MUC5AC: variants seen among roughly 807,000 people sequenced by gnomAD.
The protein encoded by MUC5AC is mucin 5AC, oligomeric mucus/gel-forming, also known as mucin-5AC.
Under a neutral mutation model 169.7 loss-of-function variants are expected in MUC5AC, and 158 were observed. The observed-to-expected ratio is 0.93, with a 90% CI of 0.82 to 1.06. The LOEUF is 1.06. Ranked by LOEUF, MUC5AC falls within the 50% of genes least tolerant of loss-of-function variation. The probability of loss-of-function intolerance (pLI) is 0.00; values close to 1 mark genes in which losing one functional copy is unlikely to be tolerated. For missense variants in MUC5AC, 4,359 were observed against 3,089.9 expected (o/e 1.41, Z -9.74); for synonymous variants, 1,975 against 1,237.0 (o/e 1.60, Z -12.52).
intron 1 of MUC5AC, among the ~76,000 whole-genome samples, chr11:1,159,853 C>T (rs868269264): frequency 0.013 from 355 of 27,406 alleles, 1 homozygote; most frequent in East Asian, 0.024. Context: ...TGGTTCTGTG[C>T]GGGGCTGTGT....
chr11:1,165,372 G>C lies in MUC5AC; in HGVS notation c.1200G>C (p.Gly400=). The C allele has an allele frequency of 6.2e-7, 1 of 1,612,476 alleles. No homozygotes were observed. The highest frequency in any genetic ancestry group is 8.5e-7 in the Non-Finnish European group (1 of 1,179,732). ...CAAAGTGTGCCTGCGTCTACAACGG[G>C]GCTGCCTATGCCCCAGGGGCCACCT... The part of the protein sequence containing the change: ...PVSKCACVYN[G]AAYAPGATYS... The change falls in exon 10 of 49, where the codon GGG becomes GGC. Residue 400 remains glycine (G), a synonymous_variant. Coordinates refer to ENST00000621226, the MANE Select transcript of MUC5AC (RefSeq NM_001304359.2).
chr11:1,198,340 A>T, intron 43 of MUC5AC, 35 bp downstream of exon 43: 1 of 730,690 alleles, frequency 1.4e-6, no homozygotes, highest in Non-Finnish European at 2.5e-6. Flanking sequence ...CCTCAGCCAT[A>T]GGGACGGAGC....
At chr11:1,175,888 C>CTT (rs1860670537) in intron 19 of MUC5AC, among the ~76,000 whole-genome samples, 1 of 126,362 alleles carries the variant, frequency 7.9e-6, no homozygotes, top group Non-Finnish European at 1.6e-5. Context: ...CATGCACATG[C>CTT]ACACACACCC....
At position 1,198,934 on chromosome 11, in the gene MUC5AC, C is replaced by T; in HGVS notation, c.16234C>T (p.Pro5412Ser). 1.3e-6 allele frequency: 1 copy of T among 762,432 alleles called. No individual in the cohort carries two copies. Among genetic ancestry groups the T allele is most frequent in the Non-Finnish European group, 2.4e-6 (1 of 416,884 alleles). The allele number at this position is 762,432 out of a possible 1,614,324, so 47.2% of individuals were successfully genotyped here. A position where few individuals can be genotyped will look rare whatever the true frequency, so the allele number is the denominator to read the frequency against. Reference protein sequence around the residue: ...ETCRCELPGGPPSDAFVVSCE... With the variant: ...ETCRCELPGGSPSDAFVVSCE... ...CTGCAGGTGTGAGCTGCCGGGTGGC[C>T]CCCCATCGGACGCGTTTGTGGTCAG... The change falls in exon 44 of 49, where the codon CCC (proline) becomes TCC (serine). Residue 5412 changes from proline to serine, a missense_variant. Coordinates refer to ENST00000621226, the MANE Select transcript of MUC5AC (RefSeq NM_001304359.2).
intron 19 of MUC5AC, among the ~76,000 whole-genome samples, chr11:1,175,817 C>CGCAGT (rs1158053125): frequency 3.2e-5 from 1 of 30,862 alleles, no homozygotes; most frequent in Non-Finnish European, 5.5e-5. Flanking sequence ...CTCATGCACA[C>CGCAGT]CACACCCACT....
intron 28 of MUC5AC, among the ~76,000 whole-genome samples, chr11:1,180,906 C>T (rs1229309714): frequency 6.6e-6 from 1 of 152,166 alleles, no homozygotes; most frequent in African/African-American, 2.4e-5. Context: ...CTCCCCTGAC[C>T]CCCGACTGGA....
chr11:1,190,665 A>G lies in MUC5AC; in HGVS notation c.12520A>G (p.Thr4174Ala). Reference sequence around the variant, plus strand: ...AACAACCAGCACAAACTCTGCTCCTACAACCAGCACAATCTCTGCCTCTAC... The same window carrying G: ...AACAACCAGCACAAACTCTGCTCCTGCAACCAGCACAATCTCTGCCTCTAC... ...APTTSTNSAP[T>A]TSTISASTTS... is the part of the protein sequence containing the mutation. The change falls in exon 31 of 49, where the codon ACA (threonine) becomes GCA (alanine). Residue 4174 changes from threonine (T) to alanine (A), a missense_variant. Thr to Ala is a moderately conservative substitution (Grantham distance 58). Coordinates refer to ENST00000621226, the MANE Select transcript of MUC5AC (RefSeq NM_001304359.2). 1.4e-6 allele frequency: 1 copy of G among 693,732 alleles called. No individual in the cohort carries two copies. Among genetic ancestry groups the G allele is most frequent in the East Asian group, 2.7e-5 (1 of 37,190 alleles). The allele number at this position is 693,732 out of a possible 1,614,324, so 43.0% of individuals were successfully genotyped here. A position where few individuals can be genotyped will look rare whatever the true frequency, so the allele number is the denominator to read the frequency against.
At chr11:1,176,328 G>A in intron 20 of MUC5AC, 77 bp downstream of exon 20, 2 of 398,750 alleles carry the variant, frequency 5.0e-6, no homozygotes, top group Non-Finnish European at 8.8e-6. Flanking sequence ...CCCAGGGTGG[G>A]CAGTGGTGAG....
intron 28 of MUC5AC, among the ~76,000 whole-genome samples, chr11:1,180,761 C>T (rs941298787): frequency 1.8e-3 from 267 of 151,990 alleles, no homozygotes; most frequent in African/African-American, 6.2e-3. Context: ...ACCAGCACAA[C>T]CTCTGGGGAG....
In MUC5AC at chr11:1,162,446, G is replaced by A. The variant is rs56375165; in HGVS notation, c.474-86G>A. 1.5e-4 allele frequency: 188 copies of A among 1,248,400 alleles called. 1 individual carries two copies. Among genetic ancestry groups the A allele is most frequent in the Non-Finnish European group, 2.1e-4 (182 of 870,504 alleles). 77.3% of individuals were successfully genotyped at this position (1,248,400 alleles called of 1,614,324 possible). A position where few individuals can be genotyped will look rare whatever the true frequency, so the allele number is the denominator to read the frequency against. On this transcript the variant is annotated intron_variant, in intron 4 of 48. Coordinates refer to ENST00000621226, the MANE Select transcript of MUC5AC (RefSeq NM_001304359.2). ...GCGACTTCACGGTCACGATGACCGTGTCACATTTGCGACCGCAGGCATCTG... is the reference window on the plus strand; with the variant it reads ...GCGACTTCACGGTCACGATGACCGTATCACATTTGCGACCGCAGGCATCTG...
chr11:1,159,666 T>A (rs374368903), intron 1 of MUC5AC, among the ~76,000 whole-genome samples: 1 of 121,514 alleles, frequency 8.2e-6, no homozygotes, highest in East Asian at 2.7e-4. Flanking sequence ...GGGGCTGGCG[T>A]CTGGCCCCAC....
rs1362485076 is a variant in MUC5AC at position 1,164,433 on chromosome 11, T to C, written c.1030T>C (p.Tyr344His). ...CCAGAAGTGCCCCAACAACATGCAGTACCACGAGTGCCGCTCCCCCTGCGC... is the reference window on the plus strand; with the variant it reads ...CCAGAAGTGCCCCAACAACATGCAGCACCACGAGTGCCGCTCCCCCTGCGC... ...CPQKCPNNMQ[Y>H]HECRSPCADT... The change falls in exon 9 of 49, where the codon TAC becomes CAC. Residue 344 changes from tyrosine (Y) to histidine (H), a missense_variant. Transcript: ENST00000621226. The C allele has an allele frequency of 6.2e-7, 1 of 1,612,302 alleles. No individual in the cohort carries two copies. Among genetic ancestry groups the C allele is most frequent in the Non-Finnish European group, 8.5e-7 (1 of 1,179,732 alleles).
At chr11:1,169,241 A>C in intron 15 of MUC5AC, 1 of 878,058 alleles carries the variant, frequency 1.1e-6, no homozygotes, top group South Asian at 5.2e-5. Context: ...GGTCAAAGAA[A>C]GGGTACAAGT....
chr11:1,158,937 C>T (rs1466243572), intron 1 of MUC5AC, among the ~76,000 whole-genome samples: 1 of 152,190 alleles, frequency 6.6e-6, no homozygotes, highest in Non-Finnish European at 1.5e-5. Context: ...GTGGCCTAGT[C>T]GGACTCTGCC....
Position 1,168,847 on chromosome 11 carries a change from C to T in MUC5AC, c.1706-15C>T. On this transcript the variant is annotated splice_polypyrimidine_tract_variant and intron_variant, in intron 14 of 48. Transcript: ENST00000621226. ...CCAGGGCGCATGGTCCTCAACCTGC[C>T]TAACCCGCCCCCAGGTCTCTGTGGG... The T allele has an allele frequency of 6.3e-7, 1 of 1,582,418 alleles. No homozygotes were observed.
At chr11:1,196,773 G>T (rs1160271760) in intron 39 of MUC5AC, 53 bp downstream of exon 39, 4 of 730,288 alleles carry the variant, frequency 5.5e-6, no homozygotes, top group Admixed American at 3.8e-5. Flanking sequence ...GCCTGTGACT[G>T]TTGGCCAGGT....
rs944671749 is a variant in MUC5AC at position 1,179,191 on chromosome 11, G to A, written c.3427G>A (p.Ala1143Thr). 23 of 680,388 alleles carry A rather than the reference G, an allele frequency of 3.4e-5. No homozygotes were observed. Among genetic ancestry groups the A allele is most frequent in the Non-Finnish European group, 3.7e-5 (14 of 373,528 alleles). 42.1% of individuals were successfully genotyped at this position (680,388 alleles called of 1,614,324 possible). ...ECFCTAVAAY[A>T]QACHEVGLCV... ...CTTCTGCACGGCTGTGGCCGCCTAC[G>A]CCCAGGCCTGCCATGAAGTAGGCCT... Residue 1143 changes from alanine (A) to threonine (T), a missense_variant, in exon 26 of 49, where the codon GCC becomes ACC. Physicochemically the swap from Ala to Thr is moderately conservative, Grantham distance 58. Transcript: ENST00000621226.
In MUC5AC at chr11:1,191,746, C is replaced by T. The variant is rs752414923; in HGVS notation, c.13601C>T (p.Thr4534Ile). ...APTTSTTSAS[T>I]ASTTSGPGTS... ...ACAACCAGCACAACCTCTGCCTCTA[C>T]AGCCAGCACAACCTCTGGTCCTGGA... The change falls in exon 31 of 49, where the codon ACA becomes ATA. Residue 4534 changes from threonine (T) to isoleucine (I), a missense_variant. Physicochemically the swap from Thr to Ile is moderately conservative, Grantham distance 89 (BLOSUM62 -1). Transcript: ENST00000621226. 3 of 742,410 alleles carry T rather than the reference C, an allele frequency of 4.0e-6. No individual in the cohort carries two copies. The highest frequency in any genetic ancestry group is 7.4e-6 in the Non-Finnish European group (3 of 407,120). The allele number at this position is 742,410 out of a possible 1,614,324, so 46.0% of individuals were successfully genotyped here. A position where few individuals can be genotyped will look rare whatever the true frequency, so the allele number is the denominator to read the frequency against.
Position 1,192,320 on chromosome 11 carries a change from C to T in MUC5AC, c.14175C>T (p.Cys4725=), listed in dbSNP as rs545635932. ...ACTACGAGGTGCGCGTGCTCTGCTG[C>T]GAGACCCCCAGAGGCTGCCCGGTGA... is the stretch of plus-strand genomic sequence containing the variant. ...CLNYEVRVLC[C]ETPRGCPVTS... Residue 4725 remains cysteine (C), a synonymous_variant, in exon 31 of 49, where the codon TGC becomes TGT. Transcript: ENST00000621226. 70 of 765,092 alleles carry T rather than the reference C, an allele frequency of 9.1e-5. No homozygotes were observed. Among genetic ancestry groups the T allele is most frequent in the Admixed American group, 3.2e-4 (19 of 59,032 alleles). 47.4% of individuals were successfully genotyped at this position (765,092 alleles called of 1,614,324 possible).
Sources: gnomAD v4.1 joint callset for allele counts (sites outside exome capture counted in the v4.1 genomes callset) on GRCh38, gnomAD v4.1.1 for gene constraint, MANE v1.5 for transcripts, NCBI Gene and HGNC (gene_info 2026-07-23, HGNC 2026-07-21) for gene names.